The following ZNF407 variants were observed in gnomAD, a reference collection of about 807,000 sequenced individuals.
The protein encoded by ZNF407 is zinc finger protein 407.
A neutral mutation model predicts 131.2 loss-of-function variants in ZNF407; 17 were observed. The ratio of observed to expected loss-of-function variants is 0.13; its 90% CI spans 0.09 to 0.19. The LOEUF (loss-of-function observed/expected upper bound fraction) is 0.19, where lower values mean the gene tolerates loss of function less well. Among genes scored for constraint, ZNF407 ranks in the 10% least tolerant of loss-of-function variants. ZNF407 has a pLI of 1.00. For synonymous variants in ZNF407, 1,156 were observed against 1,062.0 expected, an observed-to-expected ratio of 1.09 and a Z score of -1.72; for missense variants, 2,681 against 2,830.6, an observed-to-expected ratio of 0.95 and a Z score of 1.20.
chr18:74,985,112 A>G (rs867366811), intron 8 of ZNF407, among the ~76,000 whole-genome samples: 25 of 152,184 alleles, frequency 1.6e-4, no homozygotes, highest in South Asian at 6.2e-4. Context: ...AGTGCATCCT[A>G]TATTCATAAA....
intron 3 of ZNF407, among the ~76,000 whole-genome samples, chr18:74,737,062 T>G (rs1330072965): frequency 6.6e-6 from 1 of 152,214 alleles, no homozygotes. Context: ...AATGAAAAAG[T>G]AGACAGTTTT....
intron 3 of ZNF407, among the ~76,000 whole-genome samples, chr18:74,697,839 T>C (rs1255429522): frequency 6.6e-6 from 1 of 152,218 alleles, no homozygotes; most frequent in African/African-American, 2.4e-5. Flanking sequence ...AATTGCAATT[T>C]GCAGTGCATG....
At chr18:74,930,052 G>A (rs977369066) in intron 8 of ZNF407, among the ~76,000 whole-genome samples, 2 of 152,050 alleles carry the variant, frequency 1.3e-5, no homozygotes, top group African/African-American at 4.8e-5. Flanking sequence ...CTGTATTCTC[G>A]TATTCAGAGT....
intron 3 of ZNF407, among the ~76,000 whole-genome samples, chr18:74,651,408 A>G (rs1005394624): frequency 1.3e-5 from 2 of 152,182 alleles, no homozygotes; most frequent in Non-Finnish European, 2.9e-5. Context: ...TTAAAAGCTG[A>G]AGAAAAAGAA....
chr18:74,835,629 G>GGTGTGTGTGTTTGTGTGT (rs1555693409), intron 4 of ZNF407, among the ~76,000 whole-genome samples: 1 of 92,144 alleles, frequency 1.1e-5, no homozygotes. Flanking sequence ...GACAGAGGGG[G>GGTGTGTGTGTTTGTGTGT]GTGTGTGTGT....
chr18:74,869,003 T>C (rs912471125), intron 4 of ZNF407, among the ~76,000 whole-genome samples: 43 of 152,196 alleles, frequency 2.8e-4, no homozygotes, highest in African/African-American at 9.9e-4. Flanking sequence ...GGTTGGTTGA[T>C]AGAGAAGTAG....
At chr18:74,922,084 G>C (rs894386931) in intron 8 of ZNF407, among the ~76,000 whole-genome samples, 1 of 152,160 alleles carries the variant, frequency 6.6e-6, no homozygotes, top group African/African-American at 2.4e-5. Flanking sequence ...CAAAAACAGA[G>C]GTCTCTGCTC....
intron 1 of ZNF407, among the ~76,000 whole-genome samples, chr18:74,606,864 G>A (rs1254998755): frequency 6.6e-6 from 1 of 152,216 alleles, no homozygotes; most frequent in African/African-American, 2.4e-5. Flanking sequence ...TCAGAGACTA[G>A]TTGATGAGGA....
At chr18:74,858,085 TTTCC>T (rs554860863) in intron 4 of ZNF407, among the ~76,000 whole-genome samples, 2 of 136,286 alleles carry the variant, frequency 1.5e-5, no homozygotes, top group South Asian at 5.7e-4. Context: ...CTTCCCCTCC[TTTCC>T]TTCCTTCCTC....
chr18:74,960,172 G>C (rs1478824208), intron 8 of ZNF407, among the ~76,000 whole-genome samples: 1 of 152,266 alleles, frequency 6.6e-6, no homozygotes. Flanking sequence ...AGTGAAATGA[G>C]ATGACAAATG....
intron 4 of ZNF407, among the ~76,000 whole-genome samples, chr18:74,844,200 C>T: frequency 6.6e-6 from 1 of 152,150 alleles, no homozygotes; most frequent in Non-Finnish European, 1.5e-5. Flanking sequence ...CGTGCTTTTC[C>T]TTCCCCCATG....
At position 74,907,555 on chromosome 18, in the gene ZNF407, C is replaced by T. The variant is rs1043796454; in HGVS notation, c.5250-12959C>T. ...ATGGCTTCTCTTTCCCCTGATCAGG[C>T]TGTGCTCTCCCACCATTCAGCCGGG... On this transcript the variant is annotated intron_variant, in intron 7 of 8. Coordinates refer to ENST00000299687, the MANE Select transcript of ZNF407 (RefSeq NM_017757.3). 3.2e-4 allele frequency among the ~76,000 whole-genome samples: 48 copies of T among 152,274 alleles called. 1 individual carries two copies. The highest frequency in any genetic ancestry group is 1.1e-3 in the African/African-American group (47 of 41,550).
intron 4 of ZNF407, among the ~76,000 whole-genome samples, chr18:74,872,628 G>C (rs1017667304): frequency 6.6e-6 from 1 of 151,842 alleles, no homozygotes; most frequent in Non-Finnish European, 1.5e-5. Flanking sequence ...GTGGTGGTAC[G>C]TGCTTCTAGT....
chr18:74,631,562 T>G lies in ZNF407; in HGVS notation c.543T>G (p.Asn181Lys). Residue 181 changes from asparagine to lysine, a missense_variant, in exon 2 of 9, where the codon AAT becomes AAG. Coordinates refer to ENST00000299687, the MANE Select transcript of ZNF407 (RefSeq NM_017757.3). ...TTAGTGTTAGTTGTACCATTGGGAA[T>G]GTAGATACAGTTCTCAAATGCAGCA... is the stretch of plus-strand genomic sequence containing the variant. ...KEISVSCTIG[N>K]VDTVLKCSIC... is the part of the protein sequence containing the mutation. 1.2e-6 allele frequency: 2 copies of G among 1,613,802 alleles called. No individual in the cohort carries two copies. The highest frequency in any genetic ancestry group is 1.7e-6 in the Non-Finnish European group (2 of 1,179,908).
chr18:74,793,397 G>A (rs943615903), intron 4 of ZNF407, among the ~76,000 whole-genome samples: 2 of 152,102 alleles, frequency 1.3e-5, no homozygotes, highest in East Asian at 1.9e-4. Flanking sequence ...GTGTCTTGAG[G>A]CGTGATCATG....
chr18:75,020,968 C>T (rs1973102774), intron 8 of ZNF407, among the ~76,000 whole-genome samples: 2 of 152,112 alleles, frequency 1.3e-5, no homozygotes, highest in South Asian at 4.1e-4. Context: ...GCTCACTGTG[C>T]TCCAGACCAG....
Position 74,611,388 on chromosome 18 carries a change from A to G in ZNF407, c.-54+13451A>G, listed in dbSNP as rs193191261. On this transcript the variant is annotated intron_variant, in intron 1 of 8. Coordinates refer to ENST00000299687, the MANE Select transcript of ZNF407 (RefSeq NM_017757.3). ...TAGACATATTCAGCACATATTACTA[A>G]TAAAAGGTTAGTATCCAGCAGGGTG... 2.6e-5 allele frequency among the ~76,000 whole-genome samples: 4 copies of G among 152,376 alleles called. No homozygotes were observed. The East Asian group carries it at 7.7e-4, about 29-fold the overall frequency.
chr18:74,758,810 C>T (rs1969024618), intron 3 of ZNF407, among the ~76,000 whole-genome samples: 1 of 152,062 alleles, frequency 6.6e-6, no homozygotes, highest in Admixed American at 6.6e-5. Flanking sequence ...GAACTCCTGA[C>T]CTCAAATGAT....
intron 4 of ZNF407, among the ~76,000 whole-genome samples, chr18:74,789,300 A>C (rs997449473): frequency 1.3e-5 from 2 of 152,004 alleles, no homozygotes; most frequent in Admixed American, 1.3e-4. Context: ...GTTCCCTGAG[A>C]GGTGTGGGAG....
Sources: allele counts gnomAD v4.1 joint callset (sites outside exome capture counted in the v4.1 genomes callset), GRCh38; gene constraint gnomAD v4.1.1; transcripts MANE v1.5; gene names NCBI Gene and HGNC (gene_info 2026-07-23, HGNC 2026-07-21).